PTPN23: variants seen among roughly 807,000 people sequenced by gnomAD.
PTPN23 encodes the protein protein tyrosine phosphatase non-receptor type 23, also known as tyrosine-protein phosphatase non-receptor type 23.
In PTPN23, 72 loss-of-function variants were observed where a neutral mutation model predicts 156.3. That is an observed-to-expected ratio of 0.46 (90% CI 0.38 to 0.56). PTPN23 has a LOEUF of 0.56. Ranked by LOEUF, PTPN23 falls within the 20% of genes least tolerant of loss-of-function variation. The pLI, the probability that PTPN23 is intolerant of heterozygous loss-of-function variation, is 0.00. For missense variants in PTPN23, 1,974 were observed against 2,171.5 expected, an observed-to-expected ratio of 0.91 and a Z score of 1.81; for synonymous variants, 957 against 899.6, an observed-to-expected ratio of 1.06 and a Z score of -1.14.
At position 47,411,982 on chromosome 3, in the gene PTPN23, C is replaced by G; in HGVS notation, c.4073+15C>G. Reference sequence around the variant, plus strand: ...TGGCCTGAGTTGTGAGTCCACTGCTCTGGATGGTGGTTGGGGGTCTAAGTG... The same window carrying G: ...TGGCCTGAGTTGTGAGTCCACTGCTGTGGATGGTGGTTGGGGGTCTAAGTG... On this transcript the variant is annotated intron_variant, in intron 21 of 24. Transcript: ENST00000265562. The surrounding 1 kb of genome is among the most constrained non-coding windows in gnomAD (Gnocchi z 6.3). The G allele has an allele frequency of 6.2e-7, 1 of 1,608,284 alleles. No individual in the cohort carries two copies. Among genetic ancestry groups the G allele is most frequent in the Middle Eastern group, 1.7e-4 (1 of 6,052 alleles).
At position 47,382,680 on chromosome 3, in the gene PTPN23, CTTTTTTTT is replaced by C. The variant is rs71098482; in HGVS notation, c.84+1519_84+1526del. Among the ~76,000 whole-genome samples, 41 of 58,660 alleles carry C rather than the reference CTTTTTTTT, an allele frequency of 7.0e-4. 1 individual carries two copies. The East Asian group carries it at 0.015, about 21-fold the overall frequency. The allele number at this position is 58,660 out of a possible 152,430, so 38.5% of individuals were successfully genotyped here. ...AGAACTCCTGTTTTCTTTTTCTTTT[CTTTTTTTT>C]TTTTTTTTTTTTTTTTTTGAGACGG... is the stretch of plus-strand genomic sequence containing the variant. On this transcript the variant is annotated intron_variant, in intron 1 of 24. Coordinates refer to ENST00000265562, the MANE Select transcript of PTPN23 (RefSeq NM_015466.4).
At position 47,409,941 on chromosome 3, in the gene PTPN23, A is replaced by G. The variant is rs557838138; in HGVS notation, c.2143A>G (p.Lys715Glu). The G allele has an allele frequency of 7.0e-6, 11 of 1,569,312 alleles. No individual in the cohort carries two copies. The highest frequency in any genetic ancestry group is 9.5e-6 in the Non-Finnish European group (11 of 1,159,720). The change falls in exon 20 of 25, where the codon AAG becomes GAG. Residue 715 changes from lysine to glutamate, a missense_variant. Lys to Glu is a moderately conservative substitution (Grantham distance 56, BLOSUM62 1). Around this residue, in one of 4 missense-constraint regions of PTPN23, gnomAD observed 731 missense variants for 669.1 expected, o/e 1.09. Coordinates refer to ENST00000265562, the MANE Select transcript of PTPN23 (RefSeq NM_015466.4). ...CCTGTCGCACAGGGAGCTGAAGAAGAAGCCGCCGCCACGGCCCACAGCCCC... is the reference window on the plus strand; with the variant it reads ...CCTGTCGCACAGGGAGCTGAAGAAGGAGCCGCCGCCACGGCCCACAGCCCC... ...QQLLDRELKKKPPPRPTAPKP... is the reference protein window; with the variant it reads ...QQLLDRELKKEPPPRPTAPKP...
In PTPN23 at chr3:47,412,380, C is replaced by A. The variant is rs763887385; in HGVS notation, c.4276C>A (p.Arg1426=). The part of the protein sequence containing the change: ...NGIPELPQLV[R]RMRQQRKHML... ...AATCCCTGAGCTGCCTCAGCTGGTG[C>A]GGCGCATGCGGCAGCAGAGAAAGCA... The change falls in exon 23 of 25, where the codon CGG becomes AGG. Residue 1426 remains arginine (R), a synonymous_variant. Coordinates refer to ENST00000265562, the MANE Select transcript of PTPN23 (RefSeq NM_015466.4). 6.2e-7 allele frequency: 1 copy of A among 1,613,100 alleles called. No individual in the cohort carries two copies. The highest frequency in any genetic ancestry group is 2.2e-5 in the East Asian group (1 of 44,884).
intron 2 of PTPN23, 22 bp from the exon 3 acceptor site, chr3:47,404,630 C>T (rs749158989): frequency 6.2e-7 from 1 of 1,612,370 alleles, no homozygotes; most frequent in Non-Finnish European, 8.5e-7. Flanking sequence ...AACAGGCCTG[C>T]TTCTCCCATC....
chr3:47,404,911 C>T, intron 3 of PTPN23, 94 bp from the exon 4 acceptor site: 2 of 1,587,576 alleles, frequency 1.3e-6, no homozygotes, highest in Non-Finnish European at 1.7e-6. Flanking sequence ...CAGGCCTCCC[C>T]ACATCCCCAC....
chr3:47,410,017 AC>A lies in PTPN23; in HGVS notation c.2225del (p.Pro742LeufsTer61). On this transcript the variant is annotated frameshift_variant, in exon 20 of 25. Coordinates refer to ENST00000265562, the MANE Select transcript of PTPN23 (RefSeq NM_015466.4). LOFTEE classifies it high-confidence loss of function. Reference protein sequence around the residue: ...REESEAVEAGDPPEELRSLPP... With the variant: ...REESEAVEAGXPPEELRSLPP... ...GAGAGTGAGGCAGTGGAAGCAGGAG[AC>A]CCCCCTGAGGAGCTGCGCAGCCTCC... 1.2e-6 allele frequency: 2 copies of A among 1,607,516 alleles called. No homozygotes were observed. The highest frequency in any genetic ancestry group is 1.1e-5 in the South Asian group (1 of 90,134).
Position 47,411,441 on chromosome 3 carries a change from C to T in PTPN23, c.3643C>T (p.Arg1215Cys), listed in dbSNP as rs995786464. 4 of 1,612,962 alleles carry T rather than the reference C, an allele frequency of 2.5e-6. No homozygotes were observed. The highest frequency in any genetic ancestry group is 2.2e-5 in the East Asian group (1 of 44,882). Reference sequence around the variant, plus strand: ...CCGAGGCCGTTCCATCGCCATTGCCCGCTGCTACTCACTGAAGAACCGGCA... The same window carrying T: ...CCGAGGCCGTTCCATCGCCATTGCCTGCTGCTACTCACTGAAGAACCGGCA... ...DARGRSIAIA[R>C]CYSLKNRHQD... The change falls in exon 20 of 25, where the codon CGC (arginine) becomes TGC (cysteine). Residue 1215 changes from arginine to cysteine, a missense_variant. Physicochemically the swap from Arg to Cys is radical, Grantham distance 180. This residue lies in a region of PTPN23 where 33 missense variants were observed against 56.9 expected (regional missense o/e 0.58). Coordinates refer to ENST00000265562, the MANE Select transcript of PTPN23 (RefSeq NM_015466.4). The surrounding 1 kb of genome is among the most constrained non-coding windows in gnomAD (Gnocchi z 6.3).
intron 14 of PTPN23, 134 bp downstream of exon 14, chr3:47,408,089 C>A: frequency 8.8e-7 from 1 of 1,141,136 alleles, no homozygotes; most frequent in Admixed American, 2.0e-5. Flanking sequence ...GCCTTCCCGC[C>A]TGGGGTGGTG....
Position 47,410,981 on chromosome 3 carries a change from C to T in PTPN23, c.3183C>T (p.Gly1061=). The change falls in exon 20 of 25, where the codon GGC becomes GGT. Residue 1061 remains glycine (G), a synonymous_variant. Transcript: ENST00000265562. ...YGPAPSTRPM[G]PQAAPLTIRG... ...CTGCCCCTTCTACCAGACCCATGGG[C>T]CCCCAGGCAGCCCCTCTTACCATTC... The T allele has an allele frequency of 6.2e-7, 1 of 1,607,414 alleles. No homozygotes were observed. Among genetic ancestry groups the T allele is most frequent in the Non-Finnish European group, 8.5e-7 (1 of 1,176,676 alleles).
At chr3:47,402,517 C>T (rs1237250714) in intron 2 of PTPN23, among the ~76,000 whole-genome samples, 2 of 151,974 alleles carry the variant, frequency 1.3e-5, no homozygotes, top group African/African-American at 4.8e-5. Context: ...TGGGCTCAAG[C>T]GATCCACCCG....
In PTPN23 at chr3:47,407,510, A is replaced by G. The variant is rs565347319; in HGVS notation, c.929A>G (p.Asn310Ser). The change falls in exon 12 of 25, where the codon AAT (asparagine) becomes AGT (serine). Residue 310 changes from asparagine to serine, a missense_variant. This residue lies in a region of PTPN23 where 726 missense variants were observed against 929.5 expected (regional missense o/e 0.78). Transcript: ENST00000265562. This position sits in a 1 kb window ranked among gnomAD's most constrained non-coding sequence, Gnocchi z 4.0. ...CCCCTGCTCCTGATCCCCAGGTACA[A>G]TTCTGCCAAGAAGGACAACGACTTC... ...FTMDVIGGKYNSAKKDNDFIY... is the reference protein window; with the variant it reads ...FTMDVIGGKYSSAKKDNDFIY... The G allele has an allele frequency of 3.1e-6, 5 of 1,613,956 alleles. No individual in the cohort carries two copies. The highest frequency in any genetic ancestry group is 4.2e-6 in the Non-Finnish European group (5 of 1,179,896).
chr3:47,403,163 C>T (rs1242416462), intron 2 of PTPN23, among the ~76,000 whole-genome samples: 1 of 151,852 alleles, frequency 6.6e-6, no homozygotes, highest in Non-Finnish European at 1.5e-5. Flanking sequence ...CGCCATTCTC[C>T]TGCTTCAGCC....
At chr3:47,397,265 A>T (rs941834742) in intron 2 of PTPN23, among the ~76,000 whole-genome samples, 4 of 152,246 alleles carry the variant, frequency 2.6e-5, no homozygotes, top group African/African-American at 9.6e-5. Flanking sequence ...TGTGACACAG[A>T]GTCATGAAAT....
At chr3:47,387,895 G>A (rs1251781000) in intron 1 of PTPN23, among the ~76,000 whole-genome samples, 2 of 152,192 alleles carry the variant, frequency 1.3e-5, no homozygotes, top group Non-Finnish European at 2.9e-5. Flanking sequence ...TTGCTTATCT[G>A]TGGTTTGCCC....
At chr3:47,387,570 CAAAA>C (rs10548678) in intron 1 of PTPN23, among the ~76,000 whole-genome samples, 18 of 135,500 alleles carry the variant, frequency 1.3e-4, no homozygotes, top group Admixed American at 2.2e-4. Context: ...GACCCTGTCT[CAAAA>C]AAAAAAAAAA....
In PTPN23 at chr3:47,412,710, A is replaced by ACCTTCC. The variant is rs990141366; in HGVS notation, c.4437_4442dup (p.Leu1480_Pro1481dup). 8 of 1,596,522 alleles carry ACCTTCC rather than the reference A, an allele frequency of 5.0e-6. No homozygotes were observed. In the African/African-American group the frequency reaches 1.1e-4, roughly 21 times the overall value. On this transcript the variant is annotated inframe_insertion, in exon 25 of 25. Coordinates refer to ENST00000265562, the MANE Select transcript of PTPN23 (RefSeq NM_015466.4). ...TCACTCACTCTGTCTTCTCAGAACC[A>ACCTTCC]CCTTCCTCAGGACTCCCAGGACCTG...
At chr3:47,404,047 A>C (rs1451951650) in intron 2 of PTPN23, among the ~76,000 whole-genome samples, 1 of 152,192 alleles carries the variant, frequency 6.6e-6, no homozygotes, top group Non-Finnish European at 1.5e-5. Flanking sequence ...CCTGGGCAAC[A>C]TGGCAAAACC....
chr3:47,402,164 A>G (rs1705008457), intron 2 of PTPN23, among the ~76,000 whole-genome samples: 1 of 152,202 alleles, frequency 6.6e-6, no homozygotes, highest in African/African-American at 2.4e-5. Flanking sequence ...TTTCCCCCCA[A>G]AATAATAGCT....
chr3:47,412,235 T>A, intron 22 of PTPN23, 37 bp downstream of exon 22: 1 of 1,613,306 alleles, frequency 6.2e-7, no homozygotes. Flanking sequence ...CTCTATGGGC[T>A]CTTGGCCTAG....
Sources: gnomAD v4.1 joint callset for allele counts (sites outside exome capture counted in the v4.1 genomes callset) on GRCh38, gnomAD v4.1.1 for gene constraint, gnomAD v4.1.1 regional missense constraint, Gnocchi (gnomAD v3.1) non-coding constraint, MANE v1.5 for transcripts, NCBI Gene and HGNC (gene_info 2026-07-23, HGNC 2026-07-21) for gene names.